SP4: variants seen among roughly 807,000 people sequenced by gnomAD.
SP4 encodes transcription factor Sp4.
In SP4, 19 loss-of-function variants were observed where a neutral mutation model predicts 72.8. The ratio of observed to expected loss-of-function variants is 0.26; its 90% CI spans 0.18 to 0.38. The LOEUF (loss-of-function observed/expected upper bound fraction) is 0.38. Among genes scored for constraint, SP4 ranks in the 10% least tolerant of loss-of-function variants. SP4 has a pLI of 1.00. For synonymous variants in SP4, 395 were observed against 333.1 expected, an observed-to-expected ratio of 1.19 and a Z score of -2.02; for missense variants, 1,008 against 926.3, an observed-to-expected ratio of 1.09 and a Z score of -1.14.
Position 21,514,136 on chromosome 7 carries a change from C to A in SP4, c.*2867C>A, listed in dbSNP as rs190860187. On this transcript the variant is annotated 3_prime_UTR_variant, in exon 6 of 6. Transcript: ENST00000222584. ...ATAGTTTTTTCTTACAGTATACTTT[C>A]TTTGGTTAGGTTTGTGTATGTGTTG... 1 of 152,622 alleles carries A rather than the reference C, an allele frequency of 6.6e-6. No homozygotes were observed. Among genetic ancestry groups the A allele is most frequent in the Admixed American group, 6.5e-5 (1 of 15,284 alleles). 9.5% of individuals were successfully genotyped at this position (152,622 alleles called of 1,614,324 possible).
intron 5 of SP4, among the ~76,000 whole-genome samples, chr7:21,496,365 G>A (rs1781706283): frequency 1.3e-5 from 2 of 152,228 alleles, no homozygotes; most frequent in Admixed American, 1.3e-4. Flanking sequence ...ACAGTTTTCT[G>A]TTAAGCCTCA....
intron 5 of SP4, among the ~76,000 whole-genome samples, chr7:21,502,272 G>A (rs1435236975): frequency 2.0e-5 from 3 of 152,090 alleles, no homozygotes; most frequent in African/African-American, 7.2e-5. Context: ...TGTATGGAGA[G>A]CTGAGTAATT....
intron 3 of SP4, among the ~76,000 whole-genome samples, chr7:21,470,340 T>C (rs1030967798): frequency 5.3e-5 from 8 of 152,170 alleles, no homozygotes; most frequent in African/African-American, 1.7e-4. Flanking sequence ...ATGACTAATA[T>C]TATGATGGAG....
chr7:21,485,146 A>C (rs1419086004), intron 5 of SP4, among the ~76,000 whole-genome samples: 1 of 151,964 alleles, frequency 6.6e-6, no homozygotes, highest in Non-Finnish European at 1.5e-5. Flanking sequence ...GAATATGAAA[A>C]AATATATTTT....
intron 3 of SP4, among the ~76,000 whole-genome samples, chr7:21,434,913 C>T (rs141208375): frequency 6.6e-6 from 1 of 151,836 alleles, no homozygotes; most frequent in Non-Finnish European, 1.5e-5. Flanking sequence ...TCAAAGACAA[C>T]TAATTGTACC....
intron 3 of SP4, among the ~76,000 whole-genome samples, chr7:21,475,480 TA>T (rs1236952007): frequency 1.3e-5 from 2 of 151,864 alleles, no homozygotes; most frequent in Non-Finnish European, 2.9e-5. Context: ...ATTTTATTGT[TA>T]TTTTGAGACA....
intron 3 of SP4, among the ~76,000 whole-genome samples, chr7:21,468,490 T>G (rs1190253606): frequency 6.6e-6 from 1 of 151,504 alleles, no homozygotes; most frequent in Non-Finnish European, 1.5e-5. Flanking sequence ...CTCAGATATT[T>G]GTGGTTATTG....
At chr7:21,500,574 G>T (rs1484098317) in intron 5 of SP4, among the ~76,000 whole-genome samples, 1 of 152,136 alleles carries the variant, frequency 6.6e-6, no homozygotes, top group Non-Finnish European at 1.5e-5. Flanking sequence ...GCTAAATTCA[G>T]TTCCTTTCTG....
rs111429199 is a variant in SP4, at chr7:21,473,162, T to G, written c.1679-3917T>G. On this transcript the variant is annotated intron_variant, in intron 3 of 5. Coordinates refer to ENST00000222584, the MANE Select transcript of SP4 (RefSeq NM_003112.5). ...AATTTAGGTTGGTAGAGGCACAGAT[T>G]GAACAAGGGCTTGGATCAAGATGAT... is the stretch of plus-strand genomic sequence containing the variant. 1.9e-3 allele frequency among the ~76,000 whole-genome samples: 284 copies of G among 152,232 alleles called. 1 individual carries two copies. The highest frequency in any genetic ancestry group is 0.01 in the Middle Eastern group (3 of 294).
chr7:21,495,638 CAT>C (rs1781686591), intron 5 of SP4, among the ~76,000 whole-genome samples: 1 of 152,116 alleles, frequency 6.6e-6, no homozygotes, highest in African/African-American at 2.4e-5. Flanking sequence ...TTGGAATTCT[CAT>C]ATATTGCTGG....
At chr7:21,469,011 T>C (rs564716362) in intron 3 of SP4, among the ~76,000 whole-genome samples, 2 of 152,316 alleles carry the variant, frequency 1.3e-5, no homozygotes, top group East Asian at 3.9e-4. Flanking sequence ...TGTCCTTTGA[T>C]TTAGTAATCT....
chr7:21,499,797 A>T (rs1345080222), intron 5 of SP4, among the ~76,000 whole-genome samples: 2 of 152,244 alleles, frequency 1.3e-5, no homozygotes, highest in African/African-American at 4.8e-5. Flanking sequence ...AGCATTAGTA[A>T]TTTAAAAAGT....
At chr7:21,476,273 C>CAAAAAAA (rs753166936) in intron 3 of SP4, among the ~76,000 whole-genome samples, 5 of 49,626 alleles carry the variant, frequency 1.0e-4, no homozygotes, top group Admixed American at 2.6e-4. Context: ...GACTCCATCT[C>CAAAAAAA]AAAAAAAAAA....
chr7:21,469,996 C>T (rs1784284482), intron 3 of SP4, among the ~76,000 whole-genome samples: 1 of 152,132 alleles, frequency 6.6e-6, no homozygotes, highest in East Asian at 1.9e-4. Context: ...GAGTTATGCT[C>T]TGGGATCTGC....
intron 5 of SP4, among the ~76,000 whole-genome samples, chr7:21,506,600 T>C (rs1782005706): frequency 6.6e-6 from 1 of 152,236 alleles, no homozygotes; most frequent in Non-Finnish European, 1.5e-5. Context: ...TTTTGCTTTT[T>C]GTTTCTGCTT....
At chr7:21,446,316 A>T (rs1453378180) in intron 3 of SP4, among the ~76,000 whole-genome samples, 2 of 152,196 alleles carry the variant, frequency 1.3e-5, no homozygotes, top group Non-Finnish European at 2.9e-5. Flanking sequence ...AGTTTTCAGC[A>T]CTTTAAAAAT....
At chr7:21,432,372 A>G (rs569472542) in intron 3 of SP4, among the ~76,000 whole-genome samples, 1 of 152,346 alleles carries the variant, frequency 6.6e-6, no homozygotes, top group African/African-American at 2.4e-5. Flanking sequence ...GGGTTGAATG[A>G]CAGTTTGCAT....
chr7:21,483,234 T>G (rs1192025115), intron 5 of SP4, among the ~76,000 whole-genome samples: 1 of 152,018 alleles, frequency 6.6e-6, no homozygotes, highest in Non-Finnish European at 1.5e-5. Flanking sequence ...ATGGCTTTGT[T>G]TTTTAATTCT....
At chr7:21,476,446 G>T (rs534635873) in intron 3 of SP4, among the ~76,000 whole-genome samples, 1 of 152,152 alleles carries the variant, frequency 6.6e-6, no homozygotes, top group African/African-American at 2.4e-5. Flanking sequence ...TATATAACAT[G>T]AATGAATAAA....
Sources: gnomAD v4.1 joint callset for allele counts (sites outside exome capture counted in the v4.1 genomes callset) on GRCh38, gnomAD v4.1.1 for gene constraint, MANE v1.5 for transcripts, NCBI Gene and HGNC (gene_info 2026-07-23, HGNC 2026-07-21) for gene names.